The following GLI3 variants were observed in gnomAD, a reference collection of about 807,000 sequenced individuals.
The protein encoded by GLI3 is transcription activator GLI3.
Under a neutral mutation model 100.8 loss-of-function variants are expected in GLI3, and 20 were observed. That is an observed-to-expected ratio of 0.20 (90% CI 0.14 to 0.29). The LOEUF (loss-of-function observed/expected upper bound fraction) is 0.29, where lower values mean the gene tolerates loss of function less well. Ranked by LOEUF, GLI3 falls within the 10% of genes least tolerant of loss-of-function variation. The pLI is 1.00. For synonymous variants in GLI3, 938 were observed against 860.5 expected (o/e 1.09, Z -1.58); for missense variants, 2,040 against 2,128.5 (o/e 0.96, Z 0.82).
intron 3 of GLI3, among the ~76,000 whole-genome samples, chr7:42,139,246 A>G (rs1203737700): frequency 1.3e-5 from 2 of 152,184 alleles, no homozygotes; most frequent in Non-Finnish European, 2.9e-5. Flanking sequence ...TTAATTCTTT[A>G]GGAACGAAGC....
At chr7:42,087,270 C>T (rs907889280) in intron 3 of GLI3, among the ~76,000 whole-genome samples, 4 of 152,214 alleles carry the variant, frequency 2.6e-5, no homozygotes, top group Non-Finnish European at 5.9e-5. Flanking sequence ...GGGCTGTCTC[C>T]TCTTTGGAAT....
At chr7:42,008,495 A>G (rs1788523423) in intron 10 of GLI3, among the ~76,000 whole-genome samples, 1 of 152,300 alleles carries the variant, frequency 6.6e-6, no homozygotes, top group East Asian at 1.9e-4. Context: ...AGGTTGGAGC[A>G]TAGTGGCTAT....
chr7:42,046,089 T>C (rs1784239056), intron 5 of GLI3, among the ~76,000 whole-genome samples: 1 of 152,240 alleles, frequency 6.6e-6, no homozygotes, highest in Non-Finnish European at 1.5e-5. Flanking sequence ...AAGCTCTCTT[T>C]TCCTTTTCTT....
intron 4 of GLI3, among the ~76,000 whole-genome samples, chr7:42,058,667 G>A (rs772378917): frequency 6.6e-5 from 10 of 152,268 alleles, no homozygotes; most frequent in Non-Finnish European, 1.2e-4. Flanking sequence ...AGGGGCTACC[G>A]CTAAGCCAAT....
At chr7:42,047,669 A>G (rs1784271483) in intron 5 of GLI3, among the ~76,000 whole-genome samples, 1 of 152,232 alleles carries the variant, frequency 6.6e-6, no homozygotes, top group Admixed American at 6.5e-5. Flanking sequence ...AATTAAGAAG[A>G]GTCATGTGGA....
intron 13 of GLI3, among the ~76,000 whole-genome samples, chr7:41,968,707 A>AAG (rs1787257958): frequency 8.8e-6 from 1 of 114,138 alleles, no homozygotes; most frequent in Admixed American, 8.6e-5. Context: ...GAAAGAAAGA[A>AAG]AGAAAGAAGA....
intron 10 of GLI3, among the ~76,000 whole-genome samples, chr7:42,003,445 A>T (rs1788365008): frequency 6.6e-6 from 1 of 152,188 alleles, no homozygotes; most frequent in Non-Finnish European, 1.5e-5. Context: ...AAAAAAAATG[A>T]AACAAATAAA....
At chr7:42,188,052 G>A (rs1344990684) in intron 2 of GLI3, among the ~76,000 whole-genome samples, 1 of 148,452 alleles carries the variant, frequency 6.7e-6, no homozygotes, top group African/African-American at 2.5e-5. Flanking sequence ...ACATAGAGGG[G>A]AGAACATCAT....
intron 7 of GLI3, among the ~76,000 whole-genome samples, chr7:42,039,488 A>G (rs2240439): frequency 0.23 from 35,753 of 152,162 alleles, 4,585 homozygotes; most frequent in East Asian, 0.4. Context: ...TAATGGAAAA[A>G]CAAAGAAATA....
At chr7:42,120,811 A>G (rs1045628424) in intron 3 of GLI3, among the ~76,000 whole-genome samples, 4 of 152,174 alleles carry the variant, frequency 2.6e-5, no homozygotes, top group Admixed American at 6.5e-5. Context: ...TTCTACATTC[A>G]TAAGTTTCCA....
At chr7:42,146,578 C>T (rs1472708203) in intron 3 of GLI3, among the ~76,000 whole-genome samples, 4 of 152,116 alleles carry the variant, frequency 2.6e-5, no homozygotes, top group East Asian at 1.9e-4. Context: ...GAAAAGACAA[C>T]AAAACATAAA....
At chr7:42,250,818 G>A (rs1038173419) in intron 1 of GLI3, among the ~76,000 whole-genome samples, 1 of 152,324 alleles carries the variant, frequency 6.6e-6, no homozygotes, top group Non-Finnish European at 1.5e-5. Flanking sequence ...TTGGGAAAGG[G>A]CGAAAGAATA....
rs893302161 is a variant in GLI3 at position 41,986,442 on chromosome 7, G to T, written c.1498-7694C>A. 4.2e-5 allele frequency among the ~76,000 whole-genome samples: 4 copies of T among 95,978 alleles called. No individual in the cohort carries two copies. The Admixed American group carries it at 6.9e-4, about 16-fold the overall frequency. The allele number at this position is 95,978 out of a possible 152,430, so 63.0% of individuals were successfully genotyped here. ...CCATCACCTCCCCAGACCTCCCCAAGGAAAGCTGGACTATGCTTCACTGCA... is the reference window on the plus strand; with the variant it reads ...CCATCACCTCCCCAGACCTCCCCAATGAAAGCTGGACTATGCTTCACTGCA... On this transcript the variant is annotated intron_variant, in intron 10 of 14. Transcript: ENST00000395925.
rs767338817 is a variant in GLI3, at chr7:41,964,700, C to A, written c.4373G>T (p.Gly1458Val). The change falls in exon 15 of 15, where the codon GGT (glycine) becomes GTT (valine). Residue 1458 changes from glycine to valine, a missense_variant. Physicochemically the swap from Gly to Val is moderately radical, Grantham distance 109. Coordinates refer to ENST00000395925, the MANE Select transcript of GLI3 (RefSeq NM_000168.6). ...VGFSQQDTKA[G>V]SFSISDASCL... Reference sequence around the variant, plus strand: ...GCTGGCGTCTGAAATAGAGAATGAACCAGCTTTCGTGTCTTGCTGACTGAA... The same window carrying A: ...GCTGGCGTCTGAAATAGAGAATGAAACAGCTTTCGTGTCTTGCTGACTGAA... 6.2e-7 allele frequency: 1 copy of A among 1,614,078 alleles called. No homozygotes were observed. The highest frequency in any genetic ancestry group is 8.5e-7 in the Non-Finnish European group (1 of 1,180,030).
upstream of GLI3, among the ~76,000 whole-genome samples, chr7:42,238,374 T>G (rs1389006994): frequency 6.6e-6 from 1 of 152,024 alleles, no homozygotes; most frequent in Non-Finnish European, 1.5e-5. Context: ...TGGCTCCCCA[T>G]CTCCTTGTTT....
chr7:41,978,372 C>T (rs1404220765), intron 11 of GLI3, among the ~76,000 whole-genome samples: 1 of 152,216 alleles, frequency 6.6e-6, no homozygotes, highest in African/African-American at 2.4e-5. Flanking sequence ...CAGGGTGGCC[C>T]GCTATTCATT....
intron 2 of GLI3, among the ~76,000 whole-genome samples, chr7:42,188,955 GGAC>G (rs1292813689): frequency 1.3e-5 from 2 of 152,140 alleles, no homozygotes; most frequent in Admixed American, 1.3e-4. Flanking sequence ...CAGAATGAAT[GGAC>G]AACACCAAGA....
chr7:42,023,719 T>C (rs1583801565), intron 9 of GLI3, 111 bp from the exon 10 acceptor site: 1 of 908,238 alleles, frequency 1.1e-6, no homozygotes, highest in South Asian at 1.4e-5. Context: ...GGGTCTAGGG[T>C]TTTGTGAAGT....
intron 7 of GLI3, among the ~76,000 whole-genome samples, chr7:42,029,906 G>A (rs912062234): frequency 1.3e-5 from 2 of 152,150 alleles, no homozygotes; most frequent in South Asian, 2.1e-4. Context: ...AGGTCCAGCT[G>A]GGCCGGGCAG....
Sources: gnomAD v4.1 joint callset for allele counts (sites outside exome capture counted in the v4.1 genomes callset) on GRCh38, gnomAD v4.1.1 for gene constraint, MANE v1.5 for transcripts, NCBI Gene and HGNC (gene_info 2026-07-23, HGNC 2026-07-21) for gene names.